VPS13A: variants seen among roughly 807,000 people sequenced by gnomAD.
The protein encoded by VPS13A is intermembrane lipid transfer protein VPS13A.
VPS13A carries 264 observed loss-of-function variants against 390.9 expected under a neutral mutation model. That is an observed-to-expected ratio of 0.68 (90% confidence interval 0.61 to 0.75). The LOEUF is 0.75. Ranked by LOEUF, VPS13A falls within the 30% of genes least tolerant of loss-of-function variation. VPS13A has a pLI of 0.00. For synonymous variants in VPS13A, 1,231 were observed against 1,227.1 expected, an observed-to-expected ratio of 1.00 and a Z score of -0.07; for missense variants, 3,409 against 3,733.9, an observed-to-expected ratio of 0.91 and a Z score of 2.27.
intron 68 of VPS13A, among the ~76,000 whole-genome samples, chr9:77,396,416 T>C (rs1834122055): frequency 6.6e-6 from 1 of 152,226 alleles, no homozygotes; most frequent in Admixed American, 6.5e-5. Flanking sequence ...AAATAAGTGC[T>C]GGTTGCTCTT....
In VPS13A at chr9:77,412,631, C is replaced by T. The variant is rs1834992496; in HGVS notation, c.9475-3325C>T. Among the ~76,000 whole-genome samples, 5 of 152,260 alleles carry T rather than the reference C, an allele frequency of 3.3e-5. No homozygotes were observed. In the South Asian group the frequency reaches 1.0e-3, roughly 32 times the overall value. On this transcript the variant is annotated intron_variant, in intron 71 of 71. Coordinates refer to ENST00000360280, the MANE Select transcript of VPS13A (RefSeq NM_033305.3). ...ATAAGAGCTATCTATGACAAACCCA[C>T]AGCCAATATCATACCGAATGGGCAA... is the stretch of plus-strand genomic sequence containing the variant.
At chr9:77,293,233 T>A in intron 31 of VPS13A, 108 bp from the exon 32 acceptor site, 1 of 1,018,190 alleles carries the variant, frequency 9.8e-7, no homozygotes, top group Non-Finnish European at 1.5e-6. Flanking sequence ...TTGTGAATAC[T>A]TGGGAGATTT....
chr9:77,388,539 ACG>A (rs199696124), intron 68 of VPS13A, among the ~76,000 whole-genome samples: 1 of 151,500 alleles, frequency 6.6e-6, no homozygotes, highest in South Asian at 2.1e-4. Context: ...TTTAAAACAC[ACG>A]TTTAACAGTG....
In VPS13A at chr9:77,209,479, A is replaced by G. The variant is rs1377608457; in HGVS notation, c.442A>G (p.Ile148Val). The G allele has an allele frequency of 6.2e-7, 1 of 1,612,636 alleles. No individual in the cohort carries two copies. ...TFAEKLVTQI[I>V]KNLQVKISSI... ...TGCAGAAAAATTAGTTACACAGATC[A>G]TAAAAAATCTTCAGGTGAAAATTTC... The change falls in exon 6 of 72, where the codon ATA becomes GTA. Residue 148 changes from isoleucine to valine, a missense_variant. Physicochemically the swap from Ile to Val is conservative, Grantham distance 29 (BLOSUM62 3). This residue lies in a region of VPS13A where 2,717 missense variants were observed against 2,917.4 expected (regional missense o/e 0.93). Transcript: ENST00000360280.
chr9:77,377,851 A>T (rs1421009756), intron 67 of VPS13A, among the ~76,000 whole-genome samples: 1 of 152,158 alleles, frequency 6.6e-6, no homozygotes, highest in African/African-American at 2.4e-5. Flanking sequence ...GATGTTAGCT[A>T]TAGGTTTTTG....
At chr9:77,382,458 G>A in intron 68 of VPS13A, 2 of 1,372,166 alleles carry the variant, frequency 1.5e-6, no homozygotes. Flanking sequence ...TTTTTATAGG[G>A]TGTTCTTAGT....
Position 77,314,700 on chromosome 9 carries a change from A to G in VPS13A, c.4412+36A>G, listed in dbSNP as rs767805599. ...TAATGATGTTCTAAGGTTTTACTTG[A>G]GAAATCGTTGATATATTTTACAGAA... On this transcript the variant is annotated intron_variant, in intron 37 of 71. Coordinates refer to ENST00000360280, the MANE Select transcript of VPS13A (RefSeq NM_033305.3). The G allele has an allele frequency of 3.1e-6, 5 of 1,590,900 alleles. No individual in the cohort carries two copies. The East Asian group carries it at 1.1e-4, about 36-fold the overall frequency.
chr9:77,275,348 A>G (rs1193134520), intron 24 of VPS13A, 150 bp from the exon 25 acceptor site: 4 of 730,826 alleles, frequency 5.5e-6, no homozygotes, highest in South Asian at 1.9e-5. Context: ...AGTAATGTCT[A>G]TATTATTTTC....
chr9:77,355,350 C>T (rs1053240630), intron 54 of VPS13A, among the ~76,000 whole-genome samples: 9 of 152,154 alleles, frequency 5.9e-5, no homozygotes, highest in African/African-American at 2.2e-4. Flanking sequence ...GTTTCTTTCA[C>T]GTGACTTCCA....
In VPS13A at chr9:77,420,430, A is replaced by C. The variant is rs1835308739; in HGVS notation, c.*4424A>C. The C allele has an allele frequency of 6.6e-6, 1 of 152,030 alleles. No homozygotes were observed. The highest frequency in any genetic ancestry group is 1.5e-5 in the Non-Finnish European group (1 of 67,990). The allele number at this position is 152,030 out of a possible 1,614,324, so 9.4% of individuals were successfully genotyped here. On this transcript the variant is annotated 3_prime_UTR_variant, in exon 72 of 72. Coordinates refer to ENST00000360280, the MANE Select transcript of VPS13A (RefSeq NM_033305.3). The stretch of plus-strand genomic sequence containing the variant: ...TTCCATGTCATTTAAAAAATTTTTT[A>C]CTTTAGAATTACAGATTAGTTCTTT...
At chr9:77,332,969 C>G (rs928096523) in intron 46 of VPS13A, among the ~76,000 whole-genome samples, 20 of 152,108 alleles carry the variant, frequency 1.3e-4, no homozygotes, top group African/African-American at 4.6e-4. Flanking sequence ...TCACATAGAT[C>G]GACCTGCTAA....
chr9:77,385,615 T>C (rs1183140184), intron 68 of VPS13A, among the ~76,000 whole-genome samples: 1 of 152,048 alleles, frequency 6.6e-6, no homozygotes, highest in African/African-American at 2.4e-5. Flanking sequence ...TAGATGAAAC[T>C]GTCCTATTTC....
In VPS13A at chr9:77,363,499, G is replaced by A. The variant is rs571315246; in HGVS notation, c.8212-1961G>A. Among the ~76,000 whole-genome samples, 52 of 148,466 alleles carry A rather than the reference G, an allele frequency of 3.5e-4. 2 individuals carry two copies. Among genetic ancestry groups the A allele is most frequent in the African/African-American group, 2.7e-4 (11 of 40,260 alleles). On this transcript the variant is annotated intron_variant, in intron 59 of 71. Coordinates refer to ENST00000360280, the MANE Select transcript of VPS13A (RefSeq NM_033305.3). Reference sequence around the variant, plus strand: ...CTCAGCTCACTACAACCTCCGCCTCGTGGGTTTGTGCAATTCTCGTTTTTC... The same window carrying A: ...CTCAGCTCACTACAACCTCCGCCTCATGGGTTTGTGCAATTCTCGTTTTTC...
intron 45 of VPS13A, among the ~76,000 whole-genome samples, chr9:77,325,280 C>T (rs1829950857): frequency 6.6e-6 from 1 of 152,186 alleles, no homozygotes; most frequent in Non-Finnish European, 1.5e-5. Context: ...TTGCTTCCTG[C>T]CGTGCAGCCC....
chr9:77,248,813 C>T (rs1824982200), intron 20 of VPS13A, among the ~76,000 whole-genome samples: 1 of 152,040 alleles, frequency 6.6e-6, no homozygotes, highest in Non-Finnish European at 1.5e-5. Flanking sequence ...CTCACTGCAA[C>T]CTCTGCCTCC....
In VPS13A at chr9:77,275,616, T is replaced by C. The variant is rs779451286; in HGVS notation, c.2631T>C (p.Asn877=). The change falls in exon 25 of 72, where the codon AAT becomes AAC. Residue 877 remains asparagine, a synonymous_variant. Coordinates refer to ENST00000360280, the MANE Select transcript of VPS13A (RefSeq NM_033305.3). Reference sequence around the variant, plus strand: ...TACAAAAGCAGGATTGTTCAGTAAATATGACTACATTTAAAATAAGATTTG... The same window carrying C: ...TACAAAAGCAGGATTGTTCAGTAAACATGACTACATTTAAAATAAGATTTG... ...RKLQKQDCSV[N]MTTFKIRFEV... 5 of 1,613,652 alleles carry C rather than the reference T, an allele frequency of 3.1e-6. No individual in the cohort carries two copies. In the South Asian group the frequency reaches 5.5e-5, roughly 18 times the overall value.
intron 16 of VPS13A, among the ~76,000 whole-genome samples, chr9:77,227,782 G>A (rs1823605001): frequency 1.3e-5 from 2 of 151,076 alleles, no homozygotes; most frequent in Non-Finnish European, 2.9e-5. Context: ...CAATCCGCCT[G>A]CCTCGACTTC....
chr9:77,373,643 A>G (rs904885601), intron 67 of VPS13A, among the ~76,000 whole-genome samples: 21 of 151,264 alleles, frequency 1.4e-4, no homozygotes, highest in African/African-American at 5.1e-4. Flanking sequence ...AATGGGATCT[A>G]ATTAAACTAA....
chr9:77,228,124 T>G lies in VPS13A; in HGVS notation c.1455T>G (p.Phe485Leu). The change falls in exon 17 of 72, where the codon TTT becomes TTG. Residue 485 changes from phenylalanine (F) to leucine (L), a missense_variant and splice_region_variant. Transcript: ENST00000360280. ...TTATTCTTCTGAATATACCTTAGTT[T>G]GAAGCCTTGAAGTTTTTTGTCCACT... is the stretch of plus-strand genomic sequence containing the variant. ...TAVDPTLLKT[F>L]EALKFFVHLK... 6.3e-7 allele frequency: 1 copy of G among 1,595,592 alleles called. No homozygotes were observed. The highest frequency in any genetic ancestry group is 8.6e-7 in the Non-Finnish European group (1 of 1,169,094).
Sources: allele counts gnomAD v4.1 joint callset (sites outside exome capture counted in the v4.1 genomes callset), GRCh38; gene constraint gnomAD v4.1.1; regional missense constraint gnomAD v4.1.1; transcripts MANE v1.5; gene names NCBI Gene and HGNC (gene_info 2026-07-23, HGNC 2026-07-21).